The following MACROD2 variants were observed in gnomAD, a reference collection of about 807,000 sequenced individuals.
MACROD2 encodes the protein ADP-ribose glycohydrolase MACROD2.
A neutral mutation model predicts 70.4 loss-of-function variants in MACROD2; 36 were observed. That is an observed-to-expected ratio of 0.51 (90% CI 0.39 to 0.68). The LOEUF (loss-of-function observed/expected upper bound fraction) is 0.68. MACROD2 is among the 30% of genes least tolerant of loss of function. The probability of loss-of-function intolerance (pLI) is 0.00; values close to 1 mark genes in which losing one functional copy is unlikely to be tolerated. For synonymous variants in MACROD2, 172 were observed against 178.8 expected, an observed-to-expected ratio of 0.96 and a Z score of 0.30; for missense variants, 496 against 538.4, an observed-to-expected ratio of 0.92 and a Z score of 0.78.
intron 6 of MACROD2, among the ~76,000 whole-genome samples, chr20:15,429,494 ACTCT>A (rs1316945489): frequency 6.6e-6 from 1 of 152,112 alleles, no homozygotes; most frequent in Non-Finnish European, 1.5e-5. Flanking sequence ...GTCAATTTGT[ACTCT>A]CTCTGAAACA....
chr20:14,293,571 G>A (rs1326297149), intron 3 of MACROD2, among the ~76,000 whole-genome samples: 3 of 151,802 alleles, frequency 2.0e-5, no homozygotes, highest in Non-Finnish European at 2.9e-5. Flanking sequence ...CTAGATGTGC[G>A]GGCTGGGGAG....
chr20:15,708,719 A>G (rs6110755), intron 8 of MACROD2, among the ~76,000 whole-genome samples: 10,185 of 134,224 alleles, frequency 0.076, 1,158 homozygotes, highest in African/African-American at 0.24. Flanking sequence ...CAAATAAAAA[A>G]TAAATAAATT....
intron 5 of MACROD2, among the ~76,000 whole-genome samples, chr20:15,224,427 T>A (rs1348773641): frequency 1.3e-5 from 2 of 152,238 alleles, no homozygotes; most frequent in Non-Finnish European, 2.9e-5. Context: ...TTACTCATAA[T>A]CATATTGTCA....
At chr20:15,110,236 G>T (rs1219813496) in intron 5 of MACROD2, among the ~76,000 whole-genome samples, 1 of 152,096 alleles carries the variant, frequency 6.6e-6, no homozygotes, top group African/African-American at 2.4e-5. Flanking sequence ...AGATCTGTTG[G>T]TTCCTTTGGA....
chr20:14,175,636 A>G (rs1334292898), intron 3 of MACROD2, among the ~76,000 whole-genome samples: 1 of 152,138 alleles, frequency 6.6e-6, no homozygotes, highest in African/African-American at 2.4e-5. Flanking sequence ...AGAGTTGGAT[A>G]TTTTCCTGCC....
At chr20:14,746,426 A>G (rs1245160257) in intron 5 of MACROD2, among the ~76,000 whole-genome samples, 2 of 152,178 alleles carry the variant, frequency 1.3e-5, no homozygotes, top group Non-Finnish European at 2.9e-5. Flanking sequence ...TTTAGTGTAA[A>G]AGGAGAGAAA....
chr20:15,033,958 G>A (rs919186644), intron 5 of MACROD2, among the ~76,000 whole-genome samples: 3 of 152,148 alleles, frequency 2.0e-5, no homozygotes, highest in African/African-American at 7.2e-5. Flanking sequence ...GCAAATGATA[G>A]TCTAACAACA....
At chr20:15,527,604 C>A (rs2047738675) in intron 8 of MACROD2, among the ~76,000 whole-genome samples, 1 of 152,192 alleles carries the variant, frequency 6.6e-6, no homozygotes, top group Non-Finnish European at 1.5e-5. Flanking sequence ...CCCTGCAAAT[C>A]CTCAGAGACT....
At chr20:15,561,694 T>TAA (rs1226440612) in intron 8 of MACROD2, among the ~76,000 whole-genome samples, 2 of 152,174 alleles carry the variant, frequency 1.3e-5, no homozygotes, top group African/African-American at 4.8e-5. Context: ...CCTTTGGCTT[T>TAA]TGTTATTTTA....
At chr20:15,188,357 A>G (rs1403575663) in intron 5 of MACROD2, among the ~76,000 whole-genome samples, 2 of 152,314 alleles carry the variant, frequency 1.3e-5, no homozygotes, top group South Asian at 2.1e-4. Context: ...TAAAATATCC[A>G]TAATGGCGTG....
At chr20:15,608,726 T>C (rs192545325) in intron 8 of MACROD2, among the ~76,000 whole-genome samples, 94 of 152,346 alleles carry the variant, frequency 6.2e-4, no homozygotes, top group African/African-American at 2.2e-3. Context: ...CTGCTGGTCT[T>C]CACTTCCTTC....
chr20:15,544,696 C>G (rs1439506397), intron 8 of MACROD2, among the ~76,000 whole-genome samples: 1 of 152,174 alleles, frequency 6.6e-6, no homozygotes, highest in Admixed American at 6.5e-5. Context: ...CCTAGTGTAA[C>G]TTAGGGCAGA....
chr20:15,620,952 T>C (rs773755926), intron 8 of MACROD2, among the ~76,000 whole-genome samples: 2 of 152,152 alleles, frequency 1.3e-5, no homozygotes, highest in African/African-American at 2.4e-5. Flanking sequence ...TGGTATTGGT[T>C]TGACTTTAGA....
intron 5 of MACROD2, among the ~76,000 whole-genome samples, chr20:14,951,072 CTCAG>C (rs1363337173): frequency 2.0e-5 from 3 of 152,076 alleles, no homozygotes; most frequent in Admixed American, 2.0e-4. Flanking sequence ...TCTCTCTTGC[CTCAG>C]TCAGTCAGTT....
intron 4 of MACROD2, among the ~76,000 whole-genome samples, chr20:14,575,797 GA>G (rs1422542854): frequency 6.6e-6 from 1 of 152,076 alleles, no homozygotes; most frequent in East Asian, 1.9e-4. Context: ...ATTTTAAAAA[GA>G]AAATGTTCTA....
At chr20:15,766,850 C>G (rs918870867) in intron 8 of MACROD2, among the ~76,000 whole-genome samples, 2 of 152,222 alleles carry the variant, frequency 1.3e-5, no homozygotes, top group African/African-American at 4.8e-5. Flanking sequence ...GGAGTTCTCT[C>G]CATGCGGGGT....
chr20:14,727,583 A>G (rs1200942906), intron 5 of MACROD2, among the ~76,000 whole-genome samples: 1 of 152,156 alleles, frequency 6.6e-6, no homozygotes, highest in Non-Finnish European at 1.5e-5. Context: ...TAGTTACTTT[A>G]TCACTCCCCA....
intron 3 of MACROD2, among the ~76,000 whole-genome samples, chr20:14,477,979 C>T (rs1021210816): frequency 2.6e-5 from 4 of 152,148 alleles, no homozygotes; most frequent in East Asian, 1.9e-4. Context: ...CTTGCTTTTT[C>T]CTGCTATTAC....
At chr20:15,151,268 G>A (rs1012651353) in intron 5 of MACROD2, among the ~76,000 whole-genome samples, 2 of 152,184 alleles carry the variant, frequency 1.3e-5, no homozygotes, top group Non-Finnish European at 2.9e-5. Context: ...TCCTTGGCCC[G>A]ATGGCCAGAT....
Sources: gnomAD v4.1 joint callset for allele counts (sites outside exome capture counted in the v4.1 genomes callset) on GRCh38, gnomAD v4.1.1 for gene constraint, MANE v1.5 for transcripts, NCBI Gene and HGNC (gene_info 2026-07-23, HGNC 2026-07-21) for gene names.